The following CNDP2 variants were observed in gnomAD, a reference collection of about 807,000 sequenced individuals.
CNDP2 encodes the protein cytosolic non-specific dipeptidase.
In CNDP2, 38 loss-of-function variants were observed where a neutral mutation model predicts 55.0. The observed-to-expected ratio is 0.69, with a 90% confidence interval of 0.53 to 0.90. The LOEUF is 0.90. Ranked by LOEUF, CNDP2 falls within the 40% of genes least tolerant of loss-of-function variation. The pLI, the probability that CNDP2 is intolerant of heterozygous loss-of-function variation, is 0.00. For synonymous variants in CNDP2, 241 were observed against 260.2 expected, an observed-to-expected ratio of 0.93 and a Z score of 0.71; for missense variants, 607 against 621.7, an observed-to-expected ratio of 0.98 and a Z score of 0.25.
rs1980103860 is a variant in CNDP2, at chr18:74,522,412, T to G, written c.*2344T>G. 1 of 152,258 alleles carries G rather than the reference T, an allele frequency of 6.6e-6. No individual in the cohort carries two copies. Among genetic ancestry groups the G allele is most frequent in the Non-Finnish European group, 1.5e-5 (1 of 68,054 alleles). The allele number at this position is 152,258 out of a possible 1,614,324, so 9.4% of individuals were successfully genotyped here. A position where few individuals can be genotyped will look rare whatever the true frequency, so the allele number is the denominator to read the frequency against. On this transcript the variant is annotated 3_prime_UTR_variant, in exon 12 of 12. Transcript: ENST00000324262. ...GTGTCTCATGCATGCGAGCTGCATA[T>G]GGGCCCCCGTTAGTCAGGAACCCAT...
At chr18:74,504,516 C>G (rs536196627) in intron 3 of CNDP2, among the ~76,000 whole-genome samples, 10 of 152,362 alleles carry the variant, frequency 6.6e-5, no homozygotes, top group African/African-American at 2.2e-4. Flanking sequence ...GCTGGAGGCC[C>G]TGCAGTTTGG....
chr18:74,512,593 GC>G, intron 7 of CNDP2, 61 bp downstream of exon 7: 1 of 1,425,174 alleles, frequency 7.0e-7, no homozygotes. Flanking sequence ...TGACTTCCAG[GC>G]TGTCTGTCAT....
At chr18:74,512,329 C>G in intron 6 of CNDP2, 119 bp from the exon 7 acceptor site, 1 of 900,658 alleles carries the variant, frequency 1.1e-6, no homozygotes, top group Non-Finnish European at 1.7e-6. Flanking sequence ...CCTGAGGGAG[C>G]AAATTTTGAT....
Position 74,513,611 on chromosome 18 carries a change from C to T in CNDP2, c.795C>T (p.Ala265=), listed in dbSNP as rs1291613416. ...TCCTGATCCCCGGCATTAACGAGGC[C>T]GTGGCCGCCGTCACGGAAGAGGAGC... ...GNILIPGINE[A]VAAVTEEEHK... is the part of the protein sequence containing the mutation. The change falls in exon 8 of 12, where the codon GCC becomes GCT. Residue 265 remains alanine, a synonymous_variant. Transcript: ENST00000324262. The T allele has an allele frequency of 1.7e-5, 27 of 1,613,838 alleles. No homozygotes were observed. Among genetic ancestry groups the T allele is most frequent in the Middle Eastern group, 1.6e-4 (1 of 6,084 alleles).
chr18:74,516,159 C>A, intron 8 of CNDP2, 69 bp from the exon 9 acceptor site: 1 of 1,489,714 alleles, frequency 6.7e-7, no homozygotes, highest in Non-Finnish European at 9.1e-7. Context: ...ACATTCCCAG[C>A]TCCTCGGTGA....
At chr18:74,518,731 G>A (rs565053734) in intron 10 of CNDP2, 91 bp downstream of exon 10, 16 of 1,557,538 alleles carry the variant, frequency 1.0e-5, no homozygotes, top group South Asian at 3.4e-5. Context: ...TAGCTATGTC[G>A]GGGGCGCTGC....
chr18:74,519,059 G>A lies in CNDP2; in HGVS notation c.1321G>A (p.Asp441Asn). 1.2e-6 allele frequency: 2 copies of A among 1,612,758 alleles called. No individual in the cohort carries two copies. Among genetic ancestry groups the A allele is most frequent in the Non-Finnish European group, 1.7e-6 (2 of 1,178,888 alleles). The change falls in exon 11 of 12, where the codon GAT becomes AAT. Residue 441 changes from aspartate (D) to asparagine (N), a missense_variant. By Grantham distance (23) the Asp-to-Asn change is conservative. Transcript: ENST00000324262. Reference protein sequence around the residue: ...NVMLLPVGSADDGAHSQNEKL... With the variant: ...NVMLLPVGSANDGAHSQNEKL... Reference sequence around the variant, plus strand: ...CATGCTGCTGCCTGTGGGGTCAGCGGATGACGGAGCCCACTCCCAGAATGA... The same window carrying A: ...CATGCTGCTGCCTGTGGGGTCAGCGAATGACGGAGCCCACTCCCAGAATGA...
rs1980054467 is a variant in CNDP2, at chr18:74,521,650, A to G, written c.*1582A>G. 1 of 152,226 alleles carries G rather than the reference A, an allele frequency of 6.6e-6. No homozygotes were observed. Among genetic ancestry groups the G allele is most frequent in the Non-Finnish European group, 1.5e-5 (1 of 68,050 alleles). The allele number at this position is 152,226 out of a possible 1,614,324, so 9.4% of individuals were successfully genotyped here. On this transcript the variant is annotated 3_prime_UTR_variant, in exon 12 of 12. Coordinates refer to ENST00000324262, the MANE Select transcript of CNDP2 (RefSeq NM_018235.3). ...GGATTTTTACCATGGAATAAACAAC[A>G]ATCCATGAGTCCATACTAATATAAA... is the stretch of plus-strand genomic sequence containing the variant.
intron 3 of CNDP2, 74 bp from the exon 4 acceptor site, chr18:74,505,775 T>C (rs932742786): frequency 1.4e-5 from 21 of 1,552,984 alleles, no homozygotes; most frequent in Admixed American, 7.3e-5. Flanking sequence ...TCAAGGTCTT[T>C]TAATAATCTC....
intron 4 of CNDP2, chr18:74,508,392 C>T: frequency 6.3e-6 from 1 of 158,310 alleles, no homozygotes; most frequent in Admixed American, 6.3e-5. Flanking sequence ...AATTAGGTGT[C>T]ACAATTGGGT....
intron 4 of CNDP2, chr18:74,506,936 G>C (rs1979060876): frequency 6.6e-6 from 1 of 152,300 alleles, no homozygotes; most frequent in South Asian, 2.1e-4. Context: ...GCCCCTCTGG[G>C]CTAAGTTCCA....
At chr18:74,503,761 C>T (rs1279608947) in intron 3 of CNDP2, among the ~76,000 whole-genome samples, 4 of 150,230 alleles carry the variant, frequency 2.7e-5, no homozygotes, top group African/African-American at 7.6e-5. Flanking sequence ...GCCACAGTGA[C>T]GCTGGGACAA....
intron 5 of CNDP2, among the ~76,000 whole-genome samples, chr18:74,509,909 C>T (rs1277326667): frequency 6.6e-6 from 1 of 152,212 alleles, no homozygotes; most frequent in East Asian, 1.9e-4. Flanking sequence ...AGGGTCTTAG[C>T]CCTGCTGGTC....
chr18:74,504,483 C>T (rs1004633346), intron 3 of CNDP2, among the ~76,000 whole-genome samples: 12 of 152,248 alleles, frequency 7.9e-5, no homozygotes, highest in Non-Finnish European at 1.8e-4. Context: ...TGCCCAGTTT[C>T]GTAAAGTGCT....
intron 6 of CNDP2, among the ~76,000 whole-genome samples, chr18:74,511,790 GT>G (rs1979371455): frequency 6.6e-6 from 1 of 152,144 alleles, no homozygotes; most frequent in African/African-American, 2.4e-5. Flanking sequence ...TCACTGGCTG[GT>G]GGTCATCTCC....
intron 7 of CNDP2, among the ~76,000 whole-genome samples, chr18:74,513,020 C>T (rs1232476116): frequency 6.6e-6 from 1 of 152,238 alleles, no homozygotes. Flanking sequence ...CTTCCCGCAC[C>T]TTCCACAAGC....
At position 74,518,596 on chromosome 18, in the gene CNDP2, T is replaced by C. The variant is rs1366009199; in HGVS notation, c.1166T>C (p.Phe389Ser). The C allele has an allele frequency of 6.2e-7, 1 of 1,614,126 alleles. No homozygotes were observed. The highest frequency in any genetic ancestry group is 1.3e-5 in the African/African-American group (1 of 74,950). ...GGTGGGAAGCCCTGGGTCTCCGACTTCAGTCACCCTCATTACCTGGCTGGG... is the reference window on the plus strand; with the variant it reads ...GGTGGGAAGCCCTGGGTCTCCGACTCCAGTCACCCTCATTACCTGGCTGGG... ...GHGGKPWVSD[F>S]SHPHYLAGRR... Residue 389 changes from phenylalanine (F) to serine (S), a missense_variant, in exon 10 of 12, where the codon TTC becomes TCC. Phe to Ser is a radical substitution (Grantham distance 155). Transcript: ENST00000324262.
At chr18:74,497,729 G>A (rs1978486065) in intron 1 of CNDP2, 1 of 152,200 alleles carries the variant, frequency 6.6e-6, no homozygotes, top group Non-Finnish European at 1.5e-5. Context: ...AGGTTGCAGT[G>A]AGCCAAAATC....
chr18:74,508,079 C>T (rs1979132048), intron 4 of CNDP2: 1 of 152,280 alleles, frequency 6.6e-6, no homozygotes, highest in East Asian at 1.9e-4. Context: ...CAGGCTGAGC[C>T]CCGGGAGGTC....
Sources: gnomAD v4.1 joint callset for allele counts (sites outside exome capture counted in the v4.1 genomes callset) on GRCh38, gnomAD v4.1.1 for gene constraint, MANE v1.5 for transcripts, NCBI Gene and HGNC (gene_info 2026-07-23, HGNC 2026-07-21) for gene names.